The following DPYD variants were observed in gnomAD, a reference collection of about 807,000 sequenced individuals.
DPYD encodes the protein dihydropyrimidine dehydrogenase, also known as dihydropyrimidine dehydrogenase [NADP(+)].
DPYD carries 109 observed loss-of-function variants against 116.2 expected under a neutral mutation model. That is an observed-to-expected ratio of 0.94 (90% confidence interval 0.80 to 1.10). The LOEUF is 1.10. DPYD is among the 50% of genes least tolerant of loss of function. The pLI is 0.00. For synonymous variants in DPYD, 440 were observed against 432.0 expected (o/e 1.02, Z -0.23); for missense variants, 1,302 against 1,254.5 (o/e 1.04, Z -0.57).
chr1:97,782,175 T>C (rs1270501172), intron 3 of DPYD, among the ~76,000 whole-genome samples: 1 of 152,216 alleles, frequency 6.6e-6, no homozygotes, highest in African/African-American at 2.4e-5. Flanking sequence ...CTCACACTAA[T>C]AGATACATGA....
chr1:97,734,722 T>C (rs1167888076), intron 4 of DPYD, among the ~76,000 whole-genome samples: 1 of 152,180 alleles, frequency 6.6e-6, no homozygotes, highest in East Asian at 1.9e-4. Context: ...AGGCAGTAAG[T>C]AGACCAGAGA....
At chr1:97,418,263 C>A (rs1343036613) in intron 14 of DPYD, among the ~76,000 whole-genome samples, 2 of 151,500 alleles carry the variant, frequency 1.3e-5, no homozygotes, top group Non-Finnish European at 2.9e-5. Context: ...TGTTGTTTTG[C>A]ATTAAAATTG....
At chr1:97,483,491 C>T (rs139929473) in intron 13 of DPYD, among the ~76,000 whole-genome samples, 16 of 152,202 alleles carry the variant, frequency 1.1e-4, no homozygotes, top group Non-Finnish European at 1.5e-4. Flanking sequence ...GACACTGACT[C>T]GGTCCTGTTG....
At chr1:97,180,825 T>C (rs1435590088) in intron 20 of DPYD, among the ~76,000 whole-genome samples, 1 of 152,166 alleles carries the variant, frequency 6.6e-6, no homozygotes, top group Non-Finnish European at 1.5e-5. Context: ...CAATTTGATG[T>C]AGTAAGGAGA....
intron 18 of DPYD, among the ~76,000 whole-genome samples, chr1:97,290,747 AG>A (rs1442775857): frequency 6.6e-6 from 1 of 151,910 alleles, no homozygotes; most frequent in Non-Finnish European, 1.5e-5. Context: ...AACAAAACCT[AG>A]GCATTACCAT....
At chr1:97,323,948 A>C (rs907196401) in intron 16 of DPYD, among the ~76,000 whole-genome samples, 1 of 151,890 alleles carries the variant, frequency 6.6e-6, no homozygotes, top group Non-Finnish European at 1.5e-5. Flanking sequence ...CCAAAAAACC[A>C]GTACATGATC....
chr1:97,242,124 G>GTATATATATATATATATA (rs71590220), intron 18 of DPYD, among the ~76,000 whole-genome samples: 1 of 35,866 alleles, frequency 2.8e-5, no homozygotes, highest in Non-Finnish European at 4.9e-5. Context: ...GTGTGCGTGT[G>GTATATATATATATATATA]TATATATATA....
intron 19 of DPYD, among the ~76,000 whole-genome samples, chr1:97,196,143 A>C (rs1658794430): frequency 6.6e-6 from 1 of 152,094 alleles, no homozygotes; most frequent in African/African-American, 2.4e-5. Context: ...TCTGTCACCC[A>C]GGCTGGAGTG....
At chr1:97,287,726 T>G (rs972469167) in intron 18 of DPYD, among the ~76,000 whole-genome samples, 9 of 152,124 alleles carry the variant, frequency 5.9e-5, no homozygotes, top group Non-Finnish European at 1.3e-4. Flanking sequence ...TGTAGGACCC[T>G]CCGAGCCAGG....
At chr1:97,669,920 A>G (rs1659765548) in intron 8 of DPYD, among the ~76,000 whole-genome samples, 1 of 152,018 alleles carries the variant, frequency 6.6e-6, no homozygotes, top group African/African-American at 2.4e-5. Flanking sequence ...TGTCTTCTTC[A>G]GTTCACCAAA....
chr1:97,496,794 G>A (rs1025847471), intron 13 of DPYD, among the ~76,000 whole-genome samples: 9 of 151,550 alleles, frequency 5.9e-5, no homozygotes, highest in Non-Finnish European at 1.3e-4. Flanking sequence ...GTTTTCTCAC[G>A]CACATCACAT....
At chr1:97,268,722 G>A (rs1268079315) in intron 18 of DPYD, among the ~76,000 whole-genome samples, 1 of 152,056 alleles carries the variant, frequency 6.6e-6, no homozygotes, top group African/African-American at 2.4e-5. Flanking sequence ...GCTGAGGTCC[G>A]ATATGAGCCC....
At position 97,097,319 on chromosome 1, in the gene DPYD, A is replaced by G. The variant is rs558471343; in HGVS notation, c.2766+1170T>C. The stretch of plus-strand genomic sequence containing the variant: ...GACCACTGTTTTTAGCATGAGATAC[A>G]TTTTTTTTTTCTTCATAGGTAGAAG... On this transcript the variant is annotated intron_variant, in intron 21 of 22. Coordinates refer to ENST00000370192, the MANE Select transcript of DPYD (RefSeq NM_000110.4). 3.3e-3 allele frequency among the ~76,000 whole-genome samples: 490 copies of G among 149,886 alleles called. 1 individual carries two copies. Among genetic ancestry groups the G allele is most frequent in the Non-Finnish European group, 4.5e-3 (302 of 67,350 alleles).
At chr1:97,416,651 G>A (rs1245013433) in intron 14 of DPYD, among the ~76,000 whole-genome samples, 1 of 152,144 alleles carries the variant, frequency 6.6e-6, no homozygotes. Context: ...CATTATTCTT[G>A]GTGAAACAGA....
chr1:97,216,083 T>C (rs1335433398), intron 19 of DPYD, among the ~76,000 whole-genome samples: 2 of 152,226 alleles, frequency 1.3e-5, no homozygotes, highest in Non-Finnish European at 2.9e-5. Context: ...TTTTCCATAA[T>C]GCATTTTTCT....
intron 2 of DPYD, among the ~76,000 whole-genome samples, chr1:97,837,945 T>C (rs768764651): frequency 5.3e-5 from 8 of 152,174 alleles, no homozygotes; most frequent in Non-Finnish European, 1.2e-4. Flanking sequence ...ACATATCAAG[T>C]TGCTTATCAT....
chr1:97,854,663 TTC>T (rs1256923453), intron 2 of DPYD, among the ~76,000 whole-genome samples: 1 of 152,348 alleles, frequency 6.6e-6, no homozygotes, highest in Non-Finnish European at 1.5e-5. Context: ...TACTGAATAC[TTC>T]TCTTCCTTAG....
At chr1:97,778,820 T>C (rs978883270) in intron 3 of DPYD, among the ~76,000 whole-genome samples, 1 of 152,158 alleles carries the variant, frequency 6.6e-6, no homozygotes, top group African/African-American at 2.4e-5. Flanking sequence ...AAGAAATAGC[T>C]GCTCAATTTT....
chr1:97,357,560 G>A (rs958744657), intron 16 of DPYD, among the ~76,000 whole-genome samples: 13 of 152,096 alleles, frequency 8.5e-5, no homozygotes, highest in East Asian at 3.9e-4. Context: ...ACAGACTTAC[G>A]GGATACAAAT....
Sources: gnomAD v4.1 joint callset for allele counts (sites outside exome capture counted in the v4.1 genomes callset) on GRCh38, gnomAD v4.1.1 for gene constraint, MANE v1.5 for transcripts, NCBI Gene and HGNC (gene_info 2026-07-23, HGNC 2026-07-21) for gene names.